TSPAN9: variants seen among roughly 807,000 people sequenced by gnomAD.
TSPAN9 encodes tetraspanin-9.
TSPAN9 carries 16 observed loss-of-function variants against 31.0 expected under a neutral mutation model. The observed-to-expected ratio is 0.52, with a 90% CI of 0.35 to 0.78. The LOEUF (loss-of-function observed/expected upper bound fraction) is 0.78. Among genes scored for constraint, TSPAN9 ranks in the 30% least tolerant of loss-of-function variants. The pLI is 0.01. For missense variants in TSPAN9, 272 were observed against 312.5 expected (o/e 0.87, Z 0.98); for synonymous variants, 145 against 121.6 (o/e 1.19, Z -1.27).
intron 3 of TSPAN9, among the ~76,000 whole-genome samples, chr12:3,267,943 C>T (rs73256329): frequency 0.014 from 2,117 of 152,296 alleles, 55 homozygotes; most frequent in African/African-American, 0.049. Context: ...TGAGGCTCCA[C>T]GCTGCCTTCT....
intron 3 of TSPAN9, among the ~76,000 whole-genome samples, chr12:3,272,492 T>C (rs1375541044): frequency 6.6e-6 from 1 of 150,790 alleles, no homozygotes; most frequent in Non-Finnish European, 1.5e-5. Context: ...TGGAAGTGCA[T>C]GTGTGTTTTT....
chr12:3,209,563 C>T (rs575592759), intron 3 of TSPAN9, among the ~76,000 whole-genome samples: 2 of 152,132 alleles, frequency 1.3e-5, no homozygotes, highest in Non-Finnish European at 2.9e-5. Flanking sequence ...GACTAGTACA[C>T]GGTTGAGAGC....
chr12:3,195,926 C>T (rs535114988), intron 2 of TSPAN9, among the ~76,000 whole-genome samples: 40 of 152,342 alleles, frequency 2.6e-4, no homozygotes, highest in African/African-American at 9.1e-4. Context: ...GCTCGGTGCC[C>T]ATCCTGCCAC....
At chr12:3,281,088 AG>A (rs1193347911) in intron 6 of TSPAN9, 109 bp from the exon 7 acceptor site, 4 of 1,495,052 alleles carry the variant, frequency 2.7e-6, no homozygotes, top group Non-Finnish European at 3.6e-6. Context: ...CCTTAACTGC[AG>A]GGTGGCCACT....
At chr12:3,210,506 G>A (rs550623731) in intron 3 of TSPAN9, among the ~76,000 whole-genome samples, 3 of 152,150 alleles carry the variant, frequency 2.0e-5, no homozygotes, top group African/African-American at 7.2e-5. Context: ...ATTGAGTTGC[G>A]TTTTTTCTAA....
chr12:3,102,732 T>C (rs1353156067), intron 2 of TSPAN9, among the ~76,000 whole-genome samples: 2 of 152,206 alleles, frequency 1.3e-5, no homozygotes, highest in Admixed American at 6.5e-5. Context: ...CCACTGCGCC[T>C]GGCCCCAGGG....
At chr12:3,087,171 G>C (rs2098300960) in intron 2 of TSPAN9, among the ~76,000 whole-genome samples, 1 of 152,144 alleles carries the variant, frequency 6.6e-6, no homozygotes, top group South Asian at 2.1e-4. Flanking sequence ...TTGTGTGGGA[G>C]GGCACTCTGC....
chr12:3,205,661 C>T (rs1301115827), intron 3 of TSPAN9, among the ~76,000 whole-genome samples: 2 of 152,024 alleles, frequency 1.3e-5, no homozygotes, highest in Non-Finnish European at 2.9e-5. Flanking sequence ...CCTGGCCTCA[C>T]CTGGCATCTC....
intron 2 of TSPAN9, chr12:3,200,006 C>T (rs991610679): frequency 6.6e-6 from 1 of 152,472 alleles, no homozygotes; most frequent in African/African-American, 2.4e-5. Flanking sequence ...TCTCCCCAGA[C>T]CTTTCCTCTG....
chr12:3,100,035 G>A (rs2098311105), intron 2 of TSPAN9, among the ~76,000 whole-genome samples: 1 of 152,148 alleles, frequency 6.6e-6, no homozygotes, highest in East Asian at 1.9e-4. Flanking sequence ...TAGAGACGGG[G>A]TTTCACCATG....
At chr12:3,260,148 G>A (rs1426570942) in intron 3 of TSPAN9, among the ~76,000 whole-genome samples, 1 of 152,274 alleles carries the variant, frequency 6.6e-6, no homozygotes, top group Non-Finnish European at 1.5e-5. Flanking sequence ...TGCCCACTCC[G>A]CTCAACGGGA....
intron 2 of TSPAN9, among the ~76,000 whole-genome samples, chr12:3,095,587 C>T (rs1249989160): frequency 7.9e-6 from 1 of 126,546 alleles, no homozygotes; most frequent in African/African-American, 2.9e-5. Flanking sequence ...CGGGCAGAGG[C>T]GCCCCTCACC....
chr12:3,250,938 G>A (rs920591546), intron 3 of TSPAN9, among the ~76,000 whole-genome samples: 1 of 152,214 alleles, frequency 6.6e-6, no homozygotes, highest in Non-Finnish European at 1.5e-5. Flanking sequence ...GGATGGCACT[G>A]GGCTCTGTTC....
intron 2 of TSPAN9, among the ~76,000 whole-genome samples, chr12:3,123,656 T>C (rs1272677194): frequency 4.6e-5 from 7 of 151,998 alleles, no homozygotes; most frequent in African/African-American, 1.4e-4. Context: ...TTATTACTTA[T>C]TGAGTATTTT....
chr12:3,164,676 C>T (rs963763934), intron 2 of TSPAN9, among the ~76,000 whole-genome samples: 2 of 152,198 alleles, frequency 1.3e-5, no homozygotes, highest in Non-Finnish European at 2.9e-5. Flanking sequence ...CTGCAAAACC[C>T]TCCTCCTTTG....
chr12:3,193,736 A>T (rs4766064), intron 2 of TSPAN9, among the ~76,000 whole-genome samples: 57,421 of 151,818 alleles, frequency 0.38, 11,485 homozygotes, highest in African/African-American at 0.52. Context: ...CCCACTCCGA[A>T]TGGGCAGAGG....
chr12:3,130,311 T>C (rs1286826112), intron 2 of TSPAN9, among the ~76,000 whole-genome samples: 2 of 152,198 alleles, frequency 1.3e-5, no homozygotes, highest in South Asian at 4.1e-4. Flanking sequence ...TCCCCATTTT[T>C]CCCCCTCTAT....
At chr12:3,272,814 T>A (rs750137794) in intron 3 of TSPAN9, 28 of 152,128 alleles carry the variant, frequency 1.8e-4, no homozygotes, top group Non-Finnish European at 3.5e-4. Flanking sequence ...CCCAGAGAAA[T>A]AGGATGCCTG....
At chr12:3,098,885 T>G (rs547235490) in intron 2 of TSPAN9, among the ~76,000 whole-genome samples, 1 of 152,064 alleles carries the variant, frequency 6.6e-6, no homozygotes, top group South Asian at 2.1e-4. Context: ...TGAGTAGCCA[T>G]GTGACTATGG....
Sources: gnomAD v4.1 joint callset for allele counts (sites outside exome capture counted in the v4.1 genomes callset) on GRCh38, gnomAD v4.1.1 for gene constraint, MANE v1.5 for transcripts, NCBI Gene and HGNC (gene_info 2026-07-23, HGNC 2026-07-21) for gene names.